The following PPP1R37 variants were observed in gnomAD, a reference collection of about 807,000 sequenced individuals.
PPP1R37 encodes the protein protein phosphatase 1 regulatory subunit 37.
In PPP1R37, 21 loss-of-function variants were observed where a neutral mutation model predicts 61.0. That is an observed-to-expected ratio of 0.34 (90% CI 0.24 to 0.50). The LOEUF is 0.50. PPP1R37 is among the 20% of genes least tolerant of loss of function. PPP1R37 has a pLI of 0.98. For missense variants in PPP1R37, 910 were observed against 952.7 expected, an observed-to-expected ratio of 0.96 and a Z score of 0.59; for synonymous variants, 443 against 433.5, an observed-to-expected ratio of 1.02 and a Z score of -0.27.
intron 1 of PPP1R37, among the ~76,000 whole-genome samples, 172 bp from the exon 2 acceptor site, chr19:45,138,342 C>T (rs563190788): frequency 9.2e-5 from 14 of 152,170 alleles, no homozygotes; most frequent in Admixed American, 5.2e-4. Context: ...CACTTTACCT[C>T]GGGCAGTGGC....
At position 45,145,129 on chromosome 19, in the gene PPP1R37, C is replaced by T. The variant is rs1048525038; in HGVS notation, c.1165C>T (p.Pro389Ser). 1.3e-6 allele frequency: 2 copies of T among 1,534,662 alleles called. No homozygotes were observed. The highest frequency in any genetic ancestry group is 8.7e-7 in the Non-Finnish European group (1 of 1,146,236). Reference protein sequence around the residue: ...VAVAEFIAESPRLLRLDLREN... With the variant: ...VAVAEFIAESSRLLRLDLREN... ...GGTGGCGGAGTTCATCGCTGAGAGCCCCCGCCTCCTGAGACTGGACCTTCG... is the reference window on the plus strand; with the variant it reads ...GGTGGCGGAGTTCATCGCTGAGAGCTCCCGCCTCCTGAGACTGGACCTTCG... Residue 389 changes from proline (P) to serine (S), a missense_variant, in exon 10 of 13, where the codon CCC becomes TCC. Pro to Ser is a moderately conservative substitution (Grantham distance 74). Transcript: ENST00000221462.
rs1016876300 is a variant in PPP1R37 at position 45,122,716 on chromosome 19, T to C, written c.203-15798T>C. 2.0e-4 allele frequency among the ~76,000 whole-genome samples: 30 copies of C among 152,006 alleles called. 1 individual carries two copies. Among genetic ancestry groups the C allele is most frequent in the South Asian group, 1.9e-3 (9 of 4,814 alleles). On this transcript the variant is annotated intron_variant, in intron 1 of 12. Transcript: ENST00000221462. ...GGTGCTCTGGGCAGGGGGTAACAGG[T>C]GCAAAGACCCTGAGGCACTGTGTCC...
At position 45,145,089 on chromosome 19, in the gene PPP1R37, C is replaced by A. The variant is rs541942200; in HGVS notation, c.1130-5C>A. The A allele has an allele frequency of 1.4e-5, 21 of 1,532,348 alleles. No individual in the cohort carries two copies. The highest frequency in any genetic ancestry group is 2.8e-5 in the African/African-American group (2 of 72,576). 94.9% of individuals were successfully genotyped at this position (1,532,348 alleles called of 1,614,324 possible). ...CCGTGGCCAGCCCCTGCGGTGCCCC[C>A]CCAGGCGCGGTGGCGGTGGCGGAGT... On this transcript the variant is annotated splice_polypyrimidine_tract_variant and splice_region_variant and intron_variant, in intron 9 of 12. Transcript: ENST00000221462.
intron 1 of PPP1R37, among the ~76,000 whole-genome samples, chr19:45,099,739 C>T (rs1053769784): frequency 6.6e-5 from 10 of 152,246 alleles, no homozygotes; most frequent in African/African-American, 2.2e-4. Flanking sequence ...CAGGAGGGCT[C>T]GGGCACGGGA....
chr19:45,124,276 C>T (rs12459386), intron 1 of PPP1R37, among the ~76,000 whole-genome samples: 4,546 of 152,084 alleles, frequency 0.03, 222 homozygotes, highest in African/African-American at 0.1. Flanking sequence ...GAGCATGTAC[C>T]GTGTAATGTG....
Position 45,128,866 on chromosome 19 carries a change from A to G in PPP1R37, c.203-9648A>G, listed in dbSNP as rs1017432651. On this transcript the variant is annotated intron_variant, in intron 1 of 12. Coordinates refer to ENST00000221462, the MANE Select transcript of PPP1R37 (RefSeq NM_019121.2). ...ATTGGCATCCAGGAAGGTACCCCTC[A>G]CTGCTCCAGGACAGCAGGGAGGTGC... 1.3e-5 allele frequency: 8 copies of G among 639,116 alleles called. No homozygotes were observed. In the East Asian group the frequency reaches 2.2e-4, roughly 17 times the overall value. The allele number at this position is 639,116 out of a possible 1,614,324, so 39.6% of individuals were successfully genotyped here.
chr19:45,145,812 T>TCCCCCCCCCCCCCCCCCCCCC lies in PPP1R37; in HGVS notation c.1761_1762insCCCCCCCCCCCCCCCCCCCCC (p.Pro587_Thr588insProProProProProProPro). The TCCCCCCCCCCCCCCCCCCCCC allele has an allele frequency of 4.1e-6, 5 of 1,227,588 alleles. No individual in the cohort carries two copies. The highest frequency in any genetic ancestry group is 1.5e-5 in the South Asian group (1 of 64,836). 76.0% of individuals were successfully genotyped at this position (1,227,588 alleles called of 1,614,324 possible). On this transcript the variant is annotated inframe_insertion, in exon 11 of 13. Transcript: ENST00000221462. Reference sequence around the variant, plus strand: ...GCCCGAGAGGGCAGAGCCCCCTGCGTCCCCCACCCCTCCCTCTCCCCCACC... The same window carrying TCCCCCCCCCCCCCCCCCCCCC: ...GCCCGAGAGGGCAGAGCCCCCTGCGTCCCCCCCCCCCCCCCCCCCCCCCCCCACCCCTCCCTCTCCCCCACC...
At chr19:45,141,593 C>G (rs1243134289) in intron 5 of PPP1R37, among the ~76,000 whole-genome samples, 152 bp downstream of exon 5, 1 of 152,134 alleles carries the variant, frequency 6.6e-6, no homozygotes, top group Non-Finnish European at 1.5e-5. Context: ...GCCAGGAGAA[C>G]AGGGCCGAGA....
At chr19:45,105,174 G>C (rs1968114285) in intron 1 of PPP1R37, among the ~76,000 whole-genome samples, 2 of 152,168 alleles carry the variant, frequency 1.3e-5, no homozygotes, top group Admixed American at 1.3e-4. Flanking sequence ...GCCATGAGCA[G>C]CTCAGACAGT....
intron 11 of PPP1R37, 37 bp from the exon 12 acceptor site, chr19:45,146,353 C>T (rs1376569588): frequency 1.0e-5 from 16 of 1,525,320 alleles, no homozygotes; most frequent in Non-Finnish European, 5.3e-6. Flanking sequence ...TTTGCCCCAC[C>T]CGCCTGACGG....
chr19:45,108,721 A>T (rs1297645336), intron 1 of PPP1R37: 1 of 149,834 alleles, frequency 6.7e-6, no homozygotes, highest in African/African-American at 2.5e-5. Context: ...AGGTCATCAC[A>T]ACTTCCGCCT....
intron 8 of PPP1R37, 60 bp from the exon 9 acceptor site, chr19:45,144,794 C>T: frequency 4.3e-6 from 6 of 1,405,492 alleles, no homozygotes; most frequent in Non-Finnish European, 4.7e-6. Flanking sequence ...CCTGACTTGG[C>T]CTCCTGGGTC....
intron 1 of PPP1R37, among the ~76,000 whole-genome samples, chr19:45,127,193 T>C (rs1968416154): frequency 6.6e-6 from 1 of 151,806 alleles, no homozygotes; most frequent in Admixed American, 6.6e-5. Flanking sequence ...CTATTAAAAA[T>C]ACAAAATTAG....
chr19:45,145,183 A>G lies in PPP1R37; in HGVS notation c.1219A>G (p.Met407Val). 1.3e-6 allele frequency: 2 copies of G among 1,535,238 alleles called. No homozygotes were observed. Among genetic ancestry groups the G allele is most frequent in the Non-Finnish European group, 1.7e-6 (2 of 1,146,486 alleles). Reference protein sequence around the residue: ...RENEIKTGGLMALSLALKVNH... With the variant: ...RENEIKTGGLVALSLALKVNH... ...GAACGAGATCAAGACAGGCGGGCTC[A>G]TGGCACTGTCGTTGGCCCTCAAGGT... Residue 407 changes from methionine (M) to valine (V), a missense_variant, in exon 10 of 13, where the codon ATG (methionine) becomes GTG (valine). Around this residue, in one of 3 missense-constraint regions of PPP1R37, gnomAD observed 549 missense variants for 505.1 expected, o/e 1.09. Coordinates refer to ENST00000221462, the MANE Select transcript of PPP1R37 (RefSeq NM_019121.2).
intron 1 of PPP1R37, among the ~76,000 whole-genome samples, chr19:45,118,554 G>A (rs754811031): frequency 6.6e-6 from 1 of 152,180 alleles, no homozygotes; most frequent in Non-Finnish European, 1.5e-5. Flanking sequence ...CAGGGAGCTC[G>A]GGTACATAAA....
chr19:45,109,605 A>G (rs1187291526), intron 1 of PPP1R37, among the ~76,000 whole-genome samples: 3 of 152,190 alleles, frequency 2.0e-5, no homozygotes, highest in Non-Finnish European at 4.4e-5. Flanking sequence ...CTTGCTGAAG[A>G]TGGCAGAAGC....
chr19:45,116,626 C>T (rs2122725357), intron 1 of PPP1R37, among the ~76,000 whole-genome samples: 1 of 152,342 alleles, frequency 6.6e-6, no homozygotes, highest in Non-Finnish European at 1.5e-5. Context: ...GCTCCCTTCC[C>T]TCCAGCCCGT....
In PPP1R37 at chr19:45,121,567, C is replaced by T. The variant is rs1478561573; in HGVS notation, c.203-16947C>T. Among the ~76,000 whole-genome samples, 3 of 152,232 alleles carry T rather than the reference C, an allele frequency of 2.0e-5. No homozygotes were observed. Among genetic ancestry groups the T allele is most frequent in the African/African-American group, 7.2e-5 (3 of 41,464 alleles). On this transcript the variant is annotated intron_variant, in intron 1 of 12. Transcript: ENST00000221462. The surrounding 1 kb of genome is among the most constrained non-coding windows in gnomAD (Gnocchi z 4.2). ...GAAGAGCCTTTTCTACCCAGGAAAC[C>T]TGACCAGTGCCACGCAGTGAATATA...
chr19:45,135,387 C>T (rs908976558), intron 1 of PPP1R37, among the ~76,000 whole-genome samples: 1 of 152,252 alleles, frequency 6.6e-6, no homozygotes, highest in African/African-American at 2.4e-5. Flanking sequence ...CAGCTTGATC[C>T]TGGACCCTGG....
Sources: allele counts gnomAD v4.1 joint callset (sites outside exome capture counted in the v4.1 genomes callset), GRCh38; gene constraint gnomAD v4.1.1; regional missense constraint gnomAD v4.1.1; non-coding constraint Gnocchi (gnomAD v3.1); transcripts MANE v1.5; gene names NCBI Gene and HGNC (gene_info 2026-07-23, HGNC 2026-07-21).